The following TERB1 variants were observed in gnomAD, a reference collection of about 807,000 sequenced individuals.
The protein encoded by TERB1 is telomere repeat binding bouquet formation protein 1.
TERB1 carries 63 observed loss-of-function variants against 92.3 expected under a neutral mutation model. That is an observed-to-expected ratio of 0.68 (90% CI 0.56 to 0.84). TERB1 has a LOEUF of 0.84. Among genes scored for constraint, TERB1 ranks in the 40% least tolerant of loss-of-function variants. TERB1 has a pLI of 0.00. For missense variants in TERB1, 709 were observed against 843.7 expected (o/e 0.84, Z 1.98); for synonymous variants, 252 against 283.9 (o/e 0.89, Z 1.13).
chr16:66,767,019 T>A (rs183892625), intron 16 of TERB1, among the ~76,000 whole-genome samples: 106 of 152,302 alleles, frequency 7.0e-4, no homozygotes, highest in African/African-American at 2.3e-3. Flanking sequence ...ATCATACATG[T>A]AGAACTATTA....
chr16:66,772,613 T>A lies in TERB1; in HGVS notation c.1248A>T (p.Glu416Asp). ...RKAKEILHRIEQLEREGNEEE... is the reference protein window; with the variant it reads ...RKAKEILHRIDQLEREGNEEE... The stretch of plus-strand genomic sequence containing the variant: ...CCTCATTTCCTTCTCTTTCAAGCTG[T>A]TCTATTCTGTGTAGAATTTCCTTTG... Residue 416 changes from glutamate to aspartate, a missense_variant, in exon 13 of 19, where the codon GAA (glutamate) becomes GAT (aspartate). Coordinates refer to ENST00000433154, the MANE Select transcript of TERB1 (RefSeq NM_001136505.2). 1 of 1,551,354 alleles carries A rather than the reference T, an allele frequency of 6.4e-7. No individual in the cohort carries two copies. The highest frequency in any genetic ancestry group is 2.4e-5 in the East Asian group (1 of 40,856).
intron 16 of TERB1, among the ~76,000 whole-genome samples, chr16:66,765,734 A>G (rs1013248030): frequency 6.6e-6 from 1 of 151,902 alleles, no homozygotes; most frequent in Non-Finnish European, 1.5e-5. Flanking sequence ...CTAGGATTAC[A>G]GACATGAGCC....
At chr16:66,775,324 A>C in intron 11 of TERB1, 81 bp from the exon 12 acceptor site, 1 of 1,320,930 alleles carries the variant, frequency 7.6e-7, no homozygotes, top group South Asian at 1.3e-5. Context: ...TGTGATAATT[A>C]TGAACATAGT....
intron 10 of TERB1, among the ~76,000 whole-genome samples, chr16:66,777,918 CT>C (rs1217878431): frequency 8.5e-5 from 13 of 152,190 alleles, no homozygotes; most frequent in Non-Finnish European, 1.9e-4. Flanking sequence ...TCTAACAATA[CT>C]AATATCAACA....
chr16:66,781,327 G>A (rs1472134890), intron 9 of TERB1, among the ~76,000 whole-genome samples: 1 of 152,120 alleles, frequency 6.6e-6, no homozygotes, highest in Non-Finnish European at 1.5e-5. Context: ...AAAGCACTGG[G>A]ATTACAGGCA....
intron 2 of TERB1, among the ~76,000 whole-genome samples, chr16:66,797,229 C>G (rs1282414641): frequency 6.6e-6 from 1 of 151,074 alleles, no homozygotes; most frequent in Non-Finnish European, 1.5e-5. Flanking sequence ...GGTCCCATTT[C>G]CTTCCTTTTT....
intron 9 of TERB1, among the ~76,000 whole-genome samples, chr16:66,780,827 T>C (rs554136423): frequency 1.3e-5 from 2 of 152,318 alleles, no homozygotes. Context: ...CGGAAATAGA[T>C]TCCAATTTTT....
At chr16:66,770,361 TC>T in intron 13 of TERB1, 52 bp from the exon 14 acceptor site, 2 of 1,139,414 alleles carry the variant, frequency 1.8e-6, no homozygotes, top group East Asian at 5.2e-5. Context: ...CCCTTTATAA[TC>T]CAATTTATAC....
chr16:66,758,632 T>A (rs112413967), intron 18 of TERB1, 141 bp downstream of exon 18: 9,831 of 559,918 alleles, frequency 0.018, 816 homozygotes, highest in African/African-American at 0.17. Flanking sequence ...TCCCAGCTAC[T>A]TAGGAGGCTG....
In TERB1 at chr16:66,791,051, A is replaced by G. The variant is rs1482055743; in HGVS notation, c.32-32T>C. 8 of 1,259,318 alleles carry G rather than the reference A, an allele frequency of 6.4e-6. No homozygotes were observed. The Admixed American group carries it at 7.5e-5, about 12-fold the overall frequency. 78.0% of individuals were successfully genotyped at this position (1,259,318 alleles called of 1,614,324 possible). A position where few individuals can be genotyped will look rare whatever the true frequency, so the allele number is the denominator to read the frequency against. The stretch of plus-strand genomic sequence containing the variant: ...AACAAAAATGTCATTATTTTAAACC[A>G]AAAGGTTTATTTCATAAACTAACCA... On this transcript the variant is annotated intron_variant, in intron 3 of 18. Transcript: ENST00000433154.
intron 5 of TERB1, among the ~76,000 whole-genome samples, chr16:66,789,131 A>G (rs2018778261): frequency 6.6e-6 from 1 of 152,026 alleles, no homozygotes; most frequent in Non-Finnish European, 1.5e-5. Context: ...ACTAAAGAGT[A>G]TAATTGGATT....
In TERB1 at chr16:66,775,117, C is replaced by T. The variant is rs1398351241; in HGVS notation, c.1111+1G>A. On this transcript the variant is annotated splice_donor_variant, in intron 12 of 18. Transcript: ENST00000433154. LOFTEE classifies it high-confidence loss of function. ...TGTTCTTAAAGTAATAGTACACTTACTAATTTTTTTGCAGTTGTGAAGCAC... is the reference window on the plus strand; with the variant it reads ...TGTTCTTAAAGTAATAGTACACTTATTAATTTTTTTGCAGTTGTGAAGCAC... The T allele has an allele frequency of 6.4e-7, 1 of 1,551,364 alleles. No individual in the cohort carries two copies. Among genetic ancestry groups the T allele is most frequent in the Non-Finnish European group, 8.7e-7 (1 of 1,146,894 alleles).
intron 11 of TERB1, 36 bp downstream of exon 11, chr16:66,777,167 A>G: frequency 6.7e-7 from 1 of 1,487,380 alleles, no homozygotes. Flanking sequence ...CCGCTTTACT[A>G]TTTTAATAAC....
intron 3 of TERB1, among the ~76,000 whole-genome samples, chr16:66,795,360 C>T (rs1445981030): frequency 1.3e-5 from 2 of 152,236 alleles, no homozygotes; most frequent in Non-Finnish European, 2.9e-5. Flanking sequence ...TCTAAACTGG[C>T]TCCCAGTTTC....
chr16:66,801,288 G>C (rs1375502803), intron 1 of TERB1, among the ~76,000 whole-genome samples, 180 bp downstream of exon 1: 1 of 152,196 alleles, frequency 6.6e-6, no homozygotes. Flanking sequence ...TCTCTAAATG[G>C]TGCATCACGT....
rs539983346 is a variant in TERB1, at chr16:66,777,243, A to C, written c.945T>G (p.Phe315Leu). The stretch of plus-strand genomic sequence containing the variant: ...AATGACCAAGAGTAAGCATGATGCT[A>C]AATTTTTCTCCTGAATCCAGACTTT... ...LHESLDSGEK[F>L]SIMLTLGHCT... Residue 315 changes from phenylalanine to leucine, a missense_variant, in exon 11 of 19, where the codon TTT becomes TTG. Physicochemically the swap from Phe to Leu is conservative, Grantham distance 22 (BLOSUM62 0). Coordinates refer to ENST00000433154, the MANE Select transcript of TERB1 (RefSeq NM_001136505.2). 1 of 1,551,288 alleles carries C rather than the reference A, an allele frequency of 6.4e-7. No individual in the cohort carries two copies. Among genetic ancestry groups the C allele is most frequent in the African/African-American group, 1.4e-5 (1 of 73,188 alleles).
At chr16:66,769,407 A>G (rs2018405623) in intron 14 of TERB1, among the ~76,000 whole-genome samples, 1 of 152,172 alleles carries the variant, frequency 6.6e-6, no homozygotes, top group Admixed American at 6.5e-5. Flanking sequence ...TAACCAACAG[A>G]AGAGCACAAC....
Position 66,756,920 on chromosome 16 carries a change from CTT to C in TERB1, c.1997-1759_1997-1758del, listed in dbSNP as rs1393294062. Among the ~76,000 whole-genome samples the C allele has an allele frequency of 7.9e-5, 12 of 152,206 alleles. No individual in the cohort carries two copies. In the East Asian group the frequency reaches 1.4e-3, roughly 17 times the overall value. ...GCAAGAGGGCTTAATTCTAAGGACT[CTT>C]TTATTTTTCAAGCCCTCTCAAAACA... On this transcript the variant is annotated intron_variant, in intron 18 of 18. Coordinates refer to ENST00000433154, the MANE Select transcript of TERB1 (RefSeq NM_001136505.2).
intron 9 of TERB1, among the ~76,000 whole-genome samples, chr16:66,781,900 G>A (rs1442345322): frequency 6.6e-6 from 1 of 152,074 alleles, no homozygotes; most frequent in African/African-American, 2.4e-5. Context: ...AAGCTCTTCC[G>A]AAGAGCAAAA....
Sources: gnomAD v4.1 joint callset for allele counts (sites outside exome capture counted in the v4.1 genomes callset) on GRCh38, gnomAD v4.1.1 for gene constraint, MANE v1.5 for transcripts, NCBI Gene and HGNC (gene_info 2026-07-23, HGNC 2026-07-21) for gene names.